The following COPA variants were observed in gnomAD, a reference collection of about 807,000 sequenced individuals.
COPA encodes the protein coat protein complex I subunit alpha.
Under a neutral mutation model 158.7 loss-of-function variants are expected in COPA, and 10 were observed. The observed-to-expected ratio is 0.06, with a 90% CI of 0.04 to 0.11. The LOEUF (loss-of-function observed/expected upper bound fraction) is 0.11, where lower values mean the gene tolerates loss of function less well. Ranked by LOEUF, COPA falls within the 10% of genes least tolerant of loss-of-function variation. COPA has a pLI of 1.00. For missense variants in COPA, 1,065 were observed against 1,536.7 expected, an observed-to-expected ratio of 0.69 and a Z score of 5.13; for synonymous variants, 462 against 542.8, an observed-to-expected ratio of 0.85 and a Z score of 2.07.
At chr1:160,292,298 C>T in intron 28 of COPA, 100 bp from the exon 29 acceptor site, 1 of 1,550,736 alleles carries the variant, frequency 6.4e-7, no homozygotes, top group Non-Finnish European at 8.8e-7. Flanking sequence ...CTCCTGTCTC[C>T]TGTTAAAGTA....
intron 1 of COPA, 139 bp from the exon 2 acceptor site, chr1:160,340,433 G>T: frequency 1.6e-6 from 1 of 612,738 alleles, no homozygotes; most frequent in Non-Finnish European, 2.9e-6. Flanking sequence ...TTTACTGGAT[G>T]CCAGACATCG....
rs1658378008 is a variant in COPA at position 160,295,744 on chromosome 1, G to C, written c.2468C>G (p.Ala823Gly). Residue 823 changes from alanine to glycine, a missense_variant, in exon 23 of 33, where the codon GCC (alanine) becomes GGC (glycine). By Grantham distance (60) the Ala-to-Gly change is moderately conservative (BLOSUM62 0). Transcript: ENST00000241704. ...VSKGFFEGTI[A>G]SKGKGGALAA... ...GAGAAATAGGTACTTACCTTTGCTGGCAATGGTGCCTTCAAAAAATCCTTT... is the reference window on the plus strand; with the variant it reads ...GAGAAATAGGTACTTACCTTTGCTGCCAATGGTGCCTTCAAAAAATCCTTT... The C allele has an allele frequency of 6.2e-7, 1 of 1,604,068 alleles. No homozygotes were observed. The highest frequency in any genetic ancestry group is 2.2e-5 in the East Asian group (1 of 44,848).
Position 160,292,071 on chromosome 1 carries a change from G to A in COPA, c.3088C>T (p.Arg1030Cys). ...GKFEEAVEKFRSILLSVPLLV... is the reference protein window; with the variant it reads ...GKFEEAVEKFCSILLSVPLLV... ...AGTGGCACACTGAGAAGGATGGAAC[G>A]GAATTTTTCCACAGCCTCCTCAAAT... The change falls in exon 29 of 33, where the codon CGT becomes TGT. Residue 1030 changes from arginine (R) to cysteine (C), a missense_variant. Physicochemically the swap from Arg to Cys is radical, Grantham distance 180. Transcript: ENST00000241704. 2 of 1,614,180 alleles carry A rather than the reference G, an allele frequency of 1.2e-6. No individual in the cohort carries two copies. The highest frequency in any genetic ancestry group is 1.7e-6 in the Non-Finnish European group (2 of 1,180,040).
At chr1:160,329,636 G>A (rs74123105) in intron 6 of COPA, among the ~76,000 whole-genome samples, 5,022 of 152,106 alleles carry the variant, frequency 0.033, 277 homozygotes, top group African/African-American at 0.12. Flanking sequence ...TCAACCCGGC[G>A]TTCTGGAAAA....
chr1:160,294,364 C>G (rs144160699), intron 25 of COPA, 120 bp downstream of exon 25: 2 of 822,160 alleles, frequency 2.4e-6, no homozygotes, highest in Middle Eastern at 2.7e-4. Flanking sequence ...AAGGGCTGAC[C>G]TTAGGATAGT....
intron 8 of COPA, among the ~76,000 whole-genome samples, chr1:160,318,468 TAAAAAAAAAAAAA>T (rs71090307): frequency 6.4e-3 from 100 of 15,678 alleles, no homozygotes; most frequent in Non-Finnish European, 9.7e-3. Context: ...ACAATATTTG[TAAAAAAAAAAAAA>T]AAAAAAAAAA....
At chr1:160,293,609 C>G in intron 25 of COPA, 146 bp from the exon 26 acceptor site, 2 of 645,286 alleles carry the variant, frequency 3.1e-6, no homozygotes, top group Non-Finnish European at 5.2e-6. Context: ...ATCCTCCAAC[C>G]TCAGCTTCCC....
intron 3 of COPA, among the ~76,000 whole-genome samples, chr1:160,336,328 G>T (rs1240933899): frequency 6.9e-6 from 1 of 144,588 alleles, no homozygotes; most frequent in African/African-American, 2.7e-5. Flanking sequence ...GAGAGGCTCG[G>T]TCTCAAAAAA....
chr1:160,308,614 G>C (rs751759187), intron 13 of COPA, among the ~76,000 whole-genome samples: 3 of 152,226 alleles, frequency 2.0e-5, no homozygotes, highest in Non-Finnish European at 2.9e-5. Flanking sequence ...TAATGGAAGA[G>C]GTAGGCAGGA....
In COPA at chr1:160,343,198, A is replaced by T. The variant is rs373931768; in HGVS notation, c.-28T>A. ...CTCAGGTCTCCGACTCCGATGTCTT[A>T]ATCCGAGCCCCGACACACCCTGCTG... On this transcript the variant is annotated 5_prime_UTR_variant, in exon 1 of 33. Coordinates refer to ENST00000241704, the MANE Select transcript of COPA (RefSeq NM_004371.4). The T allele has an allele frequency of 1.1e-4, 182 of 1,613,902 alleles. 2 individuals are homozygous for T. The highest frequency in any genetic ancestry group is 1.5e-4 in the Non-Finnish European group (173 of 1,179,964).
Position 160,312,029 on chromosome 1 carries a change from G to C in COPA, c.926-11C>G. 1 of 1,610,020 alleles carries C rather than the reference G, an allele frequency of 6.2e-7. No individual in the cohort carries two copies. Among genetic ancestry groups the C allele is most frequent in the Non-Finnish European group, 8.5e-7 (1 of 1,177,888 alleles). ...TACCACCATCATGGCCTGGGGGACAGGGAGAGGAGGAGAAAAAATTAAGCT... is the reference window on the plus strand; with the variant it reads ...TACCACCATCATGGCCTGGGGGACACGGAGAGGAGGAGAAAAAATTAAGCT... On this transcript the variant is annotated splice_polypyrimidine_tract_variant and intron_variant, in intron 10 of 32. Coordinates refer to ENST00000241704, the MANE Select transcript of COPA (RefSeq NM_004371.4).
chr1:160,290,301 G>T, intron 32 of COPA, 85 bp from the exon 33 acceptor site: 2 of 1,489,962 alleles, frequency 1.3e-6, no homozygotes, highest in South Asian at 1.2e-5. Flanking sequence ...CCCTCAATGG[G>T]CACAGTAGAC....
chr1:160,294,530 CCTT>C lies in COPA; in HGVS notation c.2627_2629del (p.Glu876del). The C allele has an allele frequency of 1.2e-6, 2 of 1,614,224 alleles. No individual in the cohort carries two copies. Among genetic ancestry groups the C allele is most frequent in the East Asian group, 2.2e-5 (1 of 44,886 alleles). On this transcript the variant is annotated inframe_deletion, in exon 25 of 33. Coordinates refer to ENST00000241704, the MANE Select transcript of COPA (RefSeq NM_004371.4). ...ATCTTCTTCTACATCCCAGCCACCT[CCTT>C]CTTCCTGTCCCTTGCCAAGAGCATC...
intron 8 of COPA, chr1:160,317,473 A>G: frequency 1.2e-6 from 2 of 1,609,302 alleles, no homozygotes; most frequent in Non-Finnish European, 1.7e-6. Context: ...TATTAAACTC[A>G]AAGTCATTGG....
chr1:160,291,134 G>A lies in COPA; in HGVS notation c.3420+201C>T, dbSNP rs188442798. On this transcript the variant is annotated intron_variant, in intron 31 of 32. Transcript: ENST00000241704. ...TAGGTTGCACGGCACTCTTAGACGAGTGCCATGTCTCAATAAACTATTAAT... is the reference window on the plus strand; with the variant it reads ...TAGGTTGCACGGCACTCTTAGACGAATGCCATGTCTCAATAAACTATTAAT... Among the ~76,000 whole-genome samples the A allele has an allele frequency of 3.9e-5, 6 of 152,306 alleles. No homozygotes were observed. The East Asian group carries it at 9.6e-4, about 24-fold the overall frequency.
intron 11 of COPA, 100 bp downstream of exon 11, chr1:160,311,768 A>C: frequency 8.6e-7 from 1 of 1,160,526 alleles, no homozygotes; most frequent in Non-Finnish European, 1.1e-6. Flanking sequence ...AAATAAATAA[A>C]ATAAATAAAT....
Position 160,309,214 on chromosome 1 carries a change from A to G in COPA, c.1144-38T>C, listed in dbSNP as rs753322634. Reference sequence around the variant, plus strand: ...AGGGGAAATTAAAATGTTAGTGAGAAGCACCCAAGATACCAGTTTTCCAAT... The same window carrying G: ...AGGGGAAATTAAAATGTTAGTGAGAGGCACCCAAGATACCAGTTTTCCAAT... On this transcript the variant is annotated intron_variant, in intron 12 of 32. Coordinates refer to ENST00000241704, the MANE Select transcript of COPA (RefSeq NM_004371.4). 13 of 1,489,778 alleles carry G rather than the reference A, an allele frequency of 8.7e-6. No individual in the cohort carries two copies. In the Admixed American group the frequency reaches 2.2e-4, roughly 25 times the overall value. The allele number at this position is 1,489,778 out of a possible 1,614,324, so 92.3% of individuals were successfully genotyped here.
rs1056269629 is a variant in COPA at position 160,301,867 on chromosome 1, A to T, written c.1668-2603T>A. Among the ~76,000 whole-genome samples, 6 of 151,880 alleles carry T rather than the reference A, an allele frequency of 4.0e-5. No individual in the cohort carries two copies. In the East Asian group the frequency reaches 1.2e-3, roughly 29 times the overall value. ...GAATTTTACCAAGGTAAAAAAAAAA[A>T]CTCTTAGCAAAAAGAAATAGCAAAA... is the stretch of plus-strand genomic sequence containing the variant. On this transcript the variant is annotated intron_variant, in intron 17 of 32. Coordinates refer to ENST00000241704, the MANE Select transcript of COPA (RefSeq NM_004371.4).
intron 3 of COPA, among the ~76,000 whole-genome samples, chr1:160,337,379 T>A (rs528245607): frequency 1.3e-5 from 2 of 152,318 alleles, no homozygotes; most frequent in Admixed American, 1.3e-4. Flanking sequence ...ATCCCCCTTT[T>A]TATGGAAAAA....
Sources: allele counts gnomAD v4.1 joint callset (sites outside exome capture counted in the v4.1 genomes callset), GRCh38; gene constraint gnomAD v4.1.1; transcripts MANE v1.5; gene names NCBI Gene and HGNC (gene_info 2026-07-23, HGNC 2026-07-21).